PECAM1: variants seen among roughly 807,000 people sequenced by gnomAD.
The protein encoded by PECAM1 is platelet and endothelial cell adhesion molecule 1.
In PECAM1, 8 loss-of-function variants were observed where a neutral mutation model predicts 13.8. The observed-to-expected ratio is 0.58, with a 90% CI of 0.34 to 1.05. The LOEUF is 1.05. Among genes scored for constraint, PECAM1 ranks in the 50% least tolerant of loss-of-function variants. The probability of loss-of-function intolerance (pLI) is 0.03; values close to 1 mark genes in which losing one functional copy is unlikely to be tolerated. For synonymous variants in PECAM1, 136 were observed against 52.6 expected (o/e 2.58, Z -6.86); for missense variants, 304 against 141.2 (o/e 2.15, Z -5.84).
At chr17:64,328,368 G>C (rs2035014525) in intron 15 of PECAM1, among the ~76,000 whole-genome samples, 1 of 152,216 alleles carries the variant, frequency 6.6e-6, no homozygotes, top group Non-Finnish European at 1.5e-5. Flanking sequence ...GGGAGTCTCT[G>C]TCGTGACAGA....
chr17:64,355,114 C>T (rs1188637627), intron 8 of PECAM1, 74 bp from the exon 9 acceptor site: 10 of 435,564 alleles, frequency 2.3e-5, no homozygotes, highest in African/African-American at 1.8e-4. Flanking sequence ...TAATATCAGG[C>T]TTAAGCAACA....
intron 13 of PECAM1, among the ~76,000 whole-genome samples, chr17:64,347,561 A>ATG (rs1322257187): frequency 6.9e-6 from 1 of 144,618 alleles, no homozygotes; most frequent in Non-Finnish European, 1.5e-5. Context: ...ATATATATAT[A>ATG]AAATAAAAAA....
intron 5 of PECAM1, among the ~76,000 whole-genome samples, 154 bp from the exon 6 acceptor site, chr17:64,363,551 A>G (rs1244309714): frequency 3.3e-5 from 5 of 152,106 alleles, no homozygotes; most frequent in African/African-American, 1.2e-4. Flanking sequence ...CCTAACGATC[A>G]CCCCAGTAAG....
intron 2 of PECAM1, among the ~76,000 whole-genome samples, chr17:64,385,013 C>T (rs1193459282): frequency 6.6e-6 from 1 of 152,180 alleles, no homozygotes; most frequent in Non-Finnish European, 1.5e-5. Context: ...GGGGACACAG[C>T]CCCTGGGAGG....
At position 64,321,850 on chromosome 17, in the gene PECAM1, T is replaced by C. The variant is rs1416879090; in HGVS notation, c.*1966A>G. The C allele has an allele frequency of 7.4e-7, 1 of 1,349,754 alleles. No individual in the cohort carries two copies. The highest frequency in any genetic ancestry group is 9.8e-7 in the Non-Finnish European group (1 of 1,019,834). 83.6% of individuals were successfully genotyped at this position (1,349,754 alleles called of 1,614,324 possible). A position where few individuals can be genotyped will look rare whatever the true frequency, so the allele number is the denominator to read the frequency against. On this transcript the variant is annotated 3_prime_UTR_variant, in exon 16 of 16. Coordinates refer to ENST00000563924, the MANE Select transcript of PECAM1 (RefSeq NM_000442.5). Reference sequence around the variant, plus strand: ...AGGGTCTTTGCAGCTCCCGTGGCAATTGCCCTTCTCTGGTGGTGGCAAGGG... The same window carrying C: ...AGGGTCTTTGCAGCTCCCGTGGCAACTGCCCTTCTCTGGTGGTGGCAAGGG...
At chr17:64,349,728 T>C (rs1424217934) in intron 12 of PECAM1, among the ~76,000 whole-genome samples, 4 of 149,624 alleles carry the variant, frequency 2.7e-5, no homozygotes, top group Non-Finnish European at 4.4e-5. Flanking sequence ...CTAGTAAAAA[T>C]ACAAAAATTA....
intron 6 of PECAM1, among the ~76,000 whole-genome samples, chr17:64,361,292 T>C (rs1439943805): frequency 6.6e-6 from 1 of 151,826 alleles, no homozygotes; most frequent in Non-Finnish European, 1.5e-5. Flanking sequence ...ATTACAGGCA[T>C]GTGCCACCAC....
rs2036329729 is a variant in PECAM1, at chr17:64,375,226, T to C, written c.516A>G (p.Glu172=). Residue 172 remains glutamate (E), a synonymous_variant, in exon 4 of 16, where the codon GAA becomes GAG. Transcript: ENST00000563924. ...TCTCTCTTTTCAGCTTGACCATTTT[T>C]TCATTTAGTTCAAGTTTTTCAATTG... ...HFTIEKLELN[E]KMVKLKREKN... 2.1e-6 allele frequency: 1 copy of C among 475,272 alleles called. No individual in the cohort carries two copies. The highest frequency in any genetic ancestry group is 3.9e-6 in the Non-Finnish European group (1 of 259,060). 29.4% of individuals were successfully genotyped at this position (475,272 alleles called of 1,614,324 possible).
At chr17:64,325,131 G>A (rs1465153204) in intron 15 of PECAM1, among the ~76,000 whole-genome samples, 1 of 152,236 alleles carries the variant, frequency 6.6e-6, no homozygotes, top group Non-Finnish European at 1.5e-5. Context: ...GCTCACGCCT[G>A]TAATCCCAAC....
In PECAM1 at chr17:64,336,619, C is replaced by T. The variant is rs1378590394; in HGVS notation, c.2164+5015G>A. Among the ~76,000 whole-genome samples, 8 of 152,160 alleles carry T rather than the reference C, an allele frequency of 5.3e-5. No homozygotes were observed. The East Asian group carries it at 5.8e-4, about 11-fold the overall frequency. ...AAAGAAAAGCTGAGCATTCAGGTGGCGCACGCCTGAATCCCAGCACTTTGG... is the reference window on the plus strand; with the variant it reads ...AAAGAAAAGCTGAGCATTCAGGTGGTGCACGCCTGAATCCCAGCACTTTGG... On this transcript the variant is annotated intron_variant, in intron 14 of 15. Transcript: ENST00000563924.
At chr17:64,350,248 C>T (rs1243473253) in intron 12 of PECAM1, 132 bp downstream of exon 12, 5 of 385,164 alleles carry the variant, frequency 1.3e-5, no homozygotes, top group African/African-American at 6.2e-5. Flanking sequence ...ATTGACACAT[C>T]GGCTGGGTAC....
chr17:64,321,843 G>C lies in PECAM1; in HGVS notation c.*1973C>G, dbSNP rs782123889. 1.5e-6 allele frequency: 2 copies of C among 1,349,368 alleles called. No homozygotes were observed. Among genetic ancestry groups the C allele is most frequent in the Admixed American group, 1.9e-5 (1 of 52,502 alleles). The allele number at this position is 1,349,368 out of a possible 1,614,324, so 83.6% of individuals were successfully genotyped here. A position where few individuals can be genotyped will look rare whatever the true frequency, so the allele number is the denominator to read the frequency against. On this transcript the variant is annotated 3_prime_UTR_variant, in exon 16 of 16. Coordinates refer to ENST00000563924, the MANE Select transcript of PECAM1 (RefSeq NM_000442.5). ...TAGGAATAGGGTCTTTGCAGCTCCC[G>C]TGGCAATTGCCCTTCTCTGGTGGTG...
chr17:64,388,064 G>A (rs1317125931), intron 2 of PECAM1, among the ~76,000 whole-genome samples: 4 of 115,604 alleles, frequency 3.5e-5, no homozygotes, highest in Non-Finnish European at 6.2e-5. Context: ...GAGGCCTGAG[G>A]AGGCAGTGGG....
rs12948941 is a variant in PECAM1, at chr17:64,320,023, G to T, written c.*3793C>A. The T allele has an allele frequency of 0.069, 10,522 of 152,214 alleles. 476 individuals are homozygous for T. The highest frequency in any genetic ancestry group is 0.11 in the Non-Finnish European group (7,349 of 68,024). The allele number at this position is 152,214 out of a possible 1,614,324, so 9.4% of individuals were successfully genotyped here. ...CCCTACTCTAACATTTCCACTCTGT[G>T]GACCCCAGGTTGAGATCTTCTGCAG... On this transcript the variant is annotated 3_prime_UTR_variant, in exon 16 of 16. Transcript: ENST00000563924.
At chr17:64,332,422 A>C (rs1260151820) in intron 14 of PECAM1, among the ~76,000 whole-genome samples, 3 of 152,202 alleles carry the variant, frequency 2.0e-5, no homozygotes, top group African/African-American at 7.2e-5. Flanking sequence ...CTGAAGACAA[A>C]ATGTGAAAAA....
intron 6 of PECAM1, among the ~76,000 whole-genome samples, chr17:64,362,388 G>A (rs1025557927): frequency 0.013 from 1,944 of 152,286 alleles, 21 homozygotes; most frequent in Non-Finnish European, 0.018. Flanking sequence ...GGTGGCTCAG[G>A]CCTGTAATCC....
intron 6 of PECAM1, 85 bp from the exon 7 acceptor site, chr17:64,360,500 A>C: frequency 2.3e-6 from 1 of 433,622 alleles, no homozygotes. Flanking sequence ...CCAAAGCCTG[A>C]GCTTTGCTTT....
chr17:64,373,719 T>C (rs1221645517), intron 4 of PECAM1, among the ~76,000 whole-genome samples: 1 of 152,016 alleles, frequency 6.6e-6, no homozygotes, highest in Non-Finnish European at 1.5e-5. Context: ...GATTTTATAA[T>C]CAGATAATAG....
At chr17:64,372,647 T>C (rs921262138) in intron 4 of PECAM1, among the ~76,000 whole-genome samples, 78 of 152,064 alleles carry the variant, frequency 5.1e-4, no homozygotes, top group African/African-American at 1.9e-3. Flanking sequence ...GGACTACAGG[T>C]GCCCACCACC....
Sources: allele counts gnomAD v4.1 joint callset (sites outside exome capture counted in the v4.1 genomes callset), GRCh38; gene constraint gnomAD v4.1.1; transcripts MANE v1.5; gene names NCBI Gene and HGNC (gene_info 2026-07-23, HGNC 2026-07-21).